Variants in CDH18 observed in about 807,000 individuals in gnomAD.
CDH18 encodes cadherin 18.
Under a neutral mutation model 67.9 loss-of-function variants are expected in CDH18, and 31 were observed. The ratio of observed to expected loss-of-function variants is 0.46; its 90% confidence interval spans 0.34 to 0.62. The LOEUF is 0.62. Among genes scored for constraint, CDH18 ranks in the 20% least tolerant of loss-of-function variants. The pLI is 0.01. For synonymous variants in CDH18, 362 were observed against 347.2 expected (o/e 1.04, Z -0.48); for missense variants, 890 against 975.5 (o/e 0.91, Z 1.17).
At chr5:19,599,835 C>T (rs1030881923) in intron 6 of CDH18, among the ~76,000 whole-genome samples, 14 of 151,962 alleles carry the variant, frequency 9.2e-5, no homozygotes, top group Admixed American at 2.0e-4. Context: ...TGCAGTGAGC[C>T]GAGATCGCAC....
intron 1 of CDH18, among the ~76,000 whole-genome samples, chr5:20,358,830 T>C (rs1257297817): frequency 1.3e-5 from 2 of 152,086 alleles, no homozygotes; most frequent in East Asian, 3.9e-4. Context: ...TTTGGTGTGA[T>C]CTTATTTTAA....
At chr5:20,253,124 C>T (rs562802930) in intron 2 of CDH18, among the ~76,000 whole-genome samples, 1 of 152,220 alleles carries the variant, frequency 6.6e-6, no homozygotes, top group East Asian at 1.9e-4. Context: ...TCTACTAGGT[C>T]GTATCCCAAA....
intron 8 of CDH18, among the ~76,000 whole-genome samples, chr5:19,556,212 GTTCT>G (rs1339776766): frequency 6.6e-6 from 1 of 151,986 alleles, no homozygotes; most frequent in Non-Finnish European, 1.5e-5. Context: ...GCAAAATAAG[GTTCT>G]TTAACATCCC....
chr5:19,969,400 T>C (rs934258204), intron 2 of CDH18, among the ~76,000 whole-genome samples: 1 of 150,358 alleles, frequency 6.7e-6, no homozygotes, highest in East Asian at 1.9e-4. Context: ...CACATGTATG[T>C]TTATTGCGGC....
In CDH18 at chr5:20,181,024, C is replaced by T. The variant is rs561197637; in HGVS notation, c.-518+74420G>A. ...CTATTCATGGATCACTGATCTTTGA[C>T]GACAGATATCTAAGATAAAGGAAGG... On this transcript the variant is annotated intron_variant, in intron 2 of 14. Coordinates refer to the CDH18 transcript ENST00000507958. 2.6e-4 allele frequency among the ~76,000 whole-genome samples: 40 copies of T among 152,126 alleles called. No individual in the cohort carries two copies. The South Asian group carries it at 5.4e-3, about 21-fold the overall frequency.
chr5:19,767,408 GAAGGAAATAAGCA>G (rs1394170840), intron 3 of CDH18, among the ~76,000 whole-genome samples: 1 of 151,978 alleles, frequency 6.6e-6, no homozygotes, highest in Non-Finnish European at 1.5e-5. Flanking sequence ...AAAACGTCAT[GAAGGAAATAAGCA>G]AAGGAAATAG....
At chr5:19,496,314 AC>A (rs1202462850) in intron 11 of CDH18, among the ~76,000 whole-genome samples, 1 of 152,206 alleles carries the variant, frequency 6.6e-6, no homozygotes, top group Non-Finnish European at 1.5e-5. Context: ...CTAATTGCTT[AC>A]CAGAGAAATG....
chr5:19,569,184 C>T (rs1319278160), intron 8 of CDH18, among the ~76,000 whole-genome samples: 1 of 152,192 alleles, frequency 6.6e-6, no homozygotes, highest in Non-Finnish European at 1.5e-5. Context: ...TTGCAGAAAG[C>T]CTCTTCATGA....
chr5:20,177,408 AT>A (rs1469794234), intron 2 of CDH18, among the ~76,000 whole-genome samples: 1 of 152,176 alleles, frequency 6.6e-6, no homozygotes, highest in Non-Finnish European at 1.5e-5. Context: ...ATATGAATCC[AT>A]TTGAGAACAT....
intron 4 of CDH18, among the ~76,000 whole-genome samples, chr5:19,723,080 T>G (rs1306174141): frequency 6.6e-6 from 1 of 151,154 alleles, no homozygotes; most frequent in Non-Finnish European, 1.5e-5. Context: ...ACACACAAAA[T>G]TTTTTTTTGG....
At chr5:19,962,857 A>T (rs1187687168) in intron 2 of CDH18, among the ~76,000 whole-genome samples, 9 of 152,172 alleles carry the variant, frequency 5.9e-5, no homozygotes, top group Admixed American at 2.6e-4. Flanking sequence ...TTCATAATGC[A>T]TAATTCATTT....
chr5:19,675,794 G>A (rs956904672), intron 5 of CDH18, among the ~76,000 whole-genome samples: 19 of 152,170 alleles, frequency 1.2e-4, no homozygotes, highest in African/African-American at 4.1e-4. Context: ...GATTGGGGAA[G>A]TGATAAGTGT....
intron 2 of CDH18, among the ~76,000 whole-genome samples, chr5:20,114,656 A>T (rs1413121152): frequency 1.3e-5 from 2 of 152,142 alleles, no homozygotes; most frequent in Non-Finnish European, 2.9e-5. Context: ...ATGTGAGGGT[A>T]TACTCTAAGT....
chr5:20,295,004 T>C (rs549775106), intron 1 of CDH18, among the ~76,000 whole-genome samples: 4 of 152,248 alleles, frequency 2.6e-5, no homozygotes, highest in Non-Finnish European at 5.9e-5. Context: ...GTAATTTTAC[T>C]TAATAAAAAA....
intron 5 of CDH18, among the ~76,000 whole-genome samples, chr5:19,631,578 A>T (rs2150182302): frequency 6.6e-6 from 1 of 152,282 alleles, no homozygotes; most frequent in South Asian, 2.1e-4. Flanking sequence ...TTCCACAAAA[A>T]AAAATACTTA....
At chr5:20,230,065 T>C (rs150801540) in intron 2 of CDH18, among the ~76,000 whole-genome samples, 262 of 152,280 alleles carry the variant, frequency 1.7e-3, no homozygotes, top group African/African-American at 6.1e-3. Context: ...GAATGGGAAA[T>C]AGAACTGATG....
chr5:20,028,690 G>A lies in CDH18; in HGVS notation c.-517-36676C>T, dbSNP rs115071770. On this transcript the variant is annotated intron_variant, in intron 2 of 14. Transcript: ENST00000507958. ...ATTGGGCAAGCAGCAAATACAGCGT[G>A]GATAAGCTGGCCAAAGGGATGATTC... is the stretch of plus-strand genomic sequence containing the variant. 7.3e-3 allele frequency among the ~76,000 whole-genome samples: 1,117 copies of A among 152,178 alleles called. 5 individuals are homozygous for A. The highest frequency in any genetic ancestry group is 0.011 in the Non-Finnish European group (716 of 68,006).
At chr5:19,784,511 T>C (rs1433821905) in intron 3 of CDH18, among the ~76,000 whole-genome samples, 1 of 152,210 alleles carries the variant, frequency 6.6e-6, no homozygotes, top group African/African-American at 2.4e-5. Context: ...CATCTCCTTT[T>C]CTTTGTTTCA....
At chr5:20,337,543 A>G (rs1401853107) in intron 1 of CDH18, among the ~76,000 whole-genome samples, 2 of 152,194 alleles carry the variant, frequency 1.3e-5, no homozygotes, top group African/African-American at 4.8e-5. Flanking sequence ...CATAACAAGC[A>G]TCACCTTTGC....
Sources: allele counts gnomAD v4.1 joint callset (sites outside exome capture counted in the v4.1 genomes callset), GRCh38; gene constraint gnomAD v4.1.1; transcripts MANE v1.5; gene names NCBI Gene and HGNC (gene_info 2026-07-23, HGNC 2026-07-21).